Variants in ENPP4 observed in about 807,000 individuals in gnomAD.
ENPP4 encodes ectonucleotide pyrophosphatase/phosphodiesterase 4.
In ENPP4, 18 loss-of-function variants were observed where a neutral mutation model predicts 33.4. The observed-to-expected ratio is 0.54, with a 90% CI of 0.37 to 0.80. The LOEUF is 0.80. ENPP4 is among the 30% of genes least tolerant of loss of function. ENPP4 has a pLI of 0.00. For synonymous variants in ENPP4, 172 were observed against 189.9 expected (o/e 0.91, Z 0.78); for missense variants, 480 against 541.7 (o/e 0.89, Z 1.13).
At chr6:46,130,569 C>A (rs1763879665) in intron 1 of ENPP4, among the ~76,000 whole-genome samples, 1 of 152,162 alleles carries the variant, frequency 6.6e-6, no homozygotes, top group Non-Finnish European at 1.5e-5. Flanking sequence ...GAGAACCACC[C>A]ATGGCATCGA....
Position 46,143,301 on chromosome 6 carries a change from T to C in ENPP4, c.1023T>C (p.Ser341=). Residue 341 remains serine, a synonymous_variant, in exon 4 of 4, where the codon TCT becomes TCC. Coordinates refer to ENST00000321037, the MANE Select transcript of ENPP4 (RefSeq NM_014936.5). ...QKLGDHGYDN[S]LPSMHPFLAA... ...TAGGTGACCATGGTTATGATAATTC[T>C]TTGCCTAGTATGCATCCATTTCTAG... The C allele has an allele frequency of 1.9e-6, 3 of 1,590,860 alleles. No individual in the cohort carries two copies. The South Asian group carries it at 3.4e-5, about 18-fold the overall frequency.
intron 1 of ENPP4, among the ~76,000 whole-genome samples, chr6:46,134,895 A>G (rs564789755): frequency 1.5e-4 from 23 of 151,850 alleles, no homozygotes; most frequent in Non-Finnish European, 2.7e-4. Context: ...AGTTACTTTT[A>G]GTCTCTATAG....
Position 46,140,292 on chromosome 6 carries a change from G to A in ENPP4, c.709G>A (p.Asp237Asn). 1 of 1,612,350 alleles carries A rather than the reference G, an allele frequency of 6.2e-7. No individual in the cohort carries two copies. The highest frequency in any genetic ancestry group is 1.1e-5 in the South Asian group (1 of 91,034). The change falls in exon 2 of 4, where the codon GAT (aspartate) becomes AAT (asparagine). Residue 237 changes from aspartate to asparagine, a missense_variant. By Grantham distance (23) the Asp-to-Asn change is conservative. Coordinates refer to ENST00000321037, the MANE Select transcript of ENPP4 (RefSeq NM_014936.5). ...AAATCTTAATGTGATCATTACAAGTGATCATGGGATGACCCAGTGTTCTCA... is the reference window on the plus strand; with the variant it reads ...AAATCTTAATGTGATCATTACAAGTAATCATGGGATGACCCAGTGTTCTCA... ...WENLNVIITS[D>N]HGMTQCSQDR... is the part of the protein sequence containing the mutation.
intron 1 of ENPP4, among the ~76,000 whole-genome samples, chr6:46,137,291 T>A (rs1488857740): frequency 6.6e-6 from 1 of 151,872 alleles, no homozygotes; most frequent in African/African-American, 2.4e-5. Flanking sequence ...ATGTTTTCCC[T>A]GTGAGAAGAT....
chr6:46,143,695 A>G lies in ENPP4; in HGVS notation c.*55A>G. ...TGATTAATCACAAAACTAAGAATAC[A>G]TCCAAAGAATAGTGTTGTAACTATG... On this transcript the variant is annotated 3_prime_UTR_variant, in exon 4 of 4. Transcript: ENST00000321037. The G allele has an allele frequency of 1.4e-6, 2 of 1,474,576 alleles. No homozygotes were observed. The highest frequency in any genetic ancestry group is 2.3e-5 in the East Asian group (1 of 43,904). 91.3% of individuals were successfully genotyped at this position (1,474,576 alleles called of 1,614,324 possible).
chr6:46,142,041 G>T (rs1447296372), intron 3 of ENPP4, among the ~76,000 whole-genome samples: 1 of 151,436 alleles, frequency 6.6e-6, no homozygotes. Context: ...GCTAACCTTC[G>T]CTATGGGCTG....
rs547249031 is a variant in ENPP4 at position 46,129,998 on chromosome 6, G to C, written c.-225G>C. 6 of 152,408 alleles carry C rather than the reference G, an allele frequency of 3.9e-5. No individual in the cohort carries two copies. The East Asian group carries it at 9.7e-4, about 25-fold the overall frequency. The allele number at this position is 152,408 out of a possible 1,614,324, so 9.4% of individuals were successfully genotyped here. ...CCTGGCAGCTGCGCACACTCGGAGC[G>C]CCCCGAGCGGCGCAGATAGGGACGT... is the stretch of plus-strand genomic sequence containing the variant. On this transcript the variant is annotated 5_prime_UTR_variant, in exon 1 of 4. Transcript: ENST00000321037.
chr6:46,143,287 G>T lies in ENPP4; in HGVS notation c.1009G>T (p.Gly337Cys). 1.3e-6 allele frequency: 2 copies of T among 1,579,996 alleles called. No homozygotes were observed. The highest frequency in any genetic ancestry group is 8.6e-7 in the Non-Finnish European group (1 of 1,158,816). The change falls in exon 4 of 4, where the codon GGT (glycine) becomes TGT (cysteine). Residue 337 changes from glycine (G) to cysteine (C), a missense_variant. Gly to Cys is a radical substitution (Grantham distance 159). Around this residue, in one of 3 missense-constraint regions of ENPP4, gnomAD observed 249 missense variants for 251.8 expected, o/e 0.99. Coordinates refer to ENST00000321037, the MANE Select transcript of ENPP4 (RefSeq NM_014936.5). ...NESSQKLGDH[G>C]YDNSLPSMHP... is the part of the protein sequence containing the mutation. ...TTGTTCTTTTTCAGTAGGTGACCAT[G>T]GTTATGATAATTCTTTGCCTAGTAT...
chr6:46,133,077 A>G (rs1763925817), intron 1 of ENPP4, among the ~76,000 whole-genome samples: 1 of 152,194 alleles, frequency 6.6e-6, no homozygotes, highest in Admixed American at 6.5e-5. Flanking sequence ...TTCTAGATAT[A>G]CAATCATGTC....
chr6:46,133,036 TAAG>T (rs1763924840), intron 1 of ENPP4, among the ~76,000 whole-genome samples: 1 of 152,174 alleles, frequency 6.6e-6, no homozygotes, highest in South Asian at 2.1e-4. Flanking sequence ...CTTATCAGCT[TAAG>T]GAGATTCTGG....
At chr6:46,130,439 C>G (rs1302589392) in intron 1 of ENPP4, among the ~76,000 whole-genome samples, 1 of 152,232 alleles carries the variant, frequency 6.6e-6, no homozygotes, top group East Asian at 1.9e-4. Flanking sequence ...GGGAAGGCAA[C>G]CTGTGGTGTT....
chr6:46,132,828 C>A (rs529674845), intron 1 of ENPP4, among the ~76,000 whole-genome samples: 54 of 151,756 alleles, frequency 3.6e-4, no homozygotes, highest in African/African-American at 1.2e-3. Context: ...CTTTTATTTC[C>A]TTGAGCAGTG....
chr6:46,140,987 G>A, intron 2 of ENPP4, 65 bp from the exon 3 acceptor site: 3 of 994,586 alleles, frequency 3.0e-6, no homozygotes, highest in South Asian at 3.2e-5. Context: ...AATTATTCTA[G>A]TTAGACATAT....
Position 46,143,418 on chromosome 6 carries a change from A to T in ENPP4, c.1140A>T (p.Leu380Phe). The change falls in exon 4 of 4, where the codon TTA becomes TTT. Residue 380 changes from leucine to phenylalanine, a missense_variant. Coordinates refer to ENST00000321037, the MANE Select transcript of ENPP4 (RefSeq NM_014936.5). ...CAATGATGTGCCACATCCTGGGATT[A>T]AAACCACATCCCAATAATGGGACCT... ...IYPMMCHILG[L>F]KPHPNNGTFG... The T allele has an allele frequency of 6.2e-7, 1 of 1,612,800 alleles. No homozygotes were observed. Among genetic ancestry groups the T allele is most frequent in the Non-Finnish European group, 8.5e-7 (1 of 1,179,090 alleles).
chr6:46,132,061 T>G lies in ENPP4; in HGVS notation c.-34+1872T>G, dbSNP rs1172753940. ...TGTAGATTCTGGATATTAGCCCTTTTTCAGATGAGTAGATTGTGAAAATTT... is the reference window on the plus strand; with the variant it reads ...TGTAGATTCTGGATATTAGCCCTTTGTCAGATGAGTAGATTGTGAAAATTT... On this transcript the variant is annotated intron_variant, in intron 1 of 3. Transcript: ENST00000321037. Among the ~76,000 whole-genome samples, 33 of 152,240 alleles carry G rather than the reference T, an allele frequency of 2.2e-4. No homozygotes were observed. In the East Asian group the frequency reaches 3.3e-3, roughly 15 times the overall value.
rs556106191 is a variant in ENPP4 at position 46,143,235 on chromosome 6, A to C, written c.998-41A>C. ...AGAAGCAAGTTATTTTGTCCTAAAAAGTCTGATCTTATTGACTGATGTTGT... is the reference window on the plus strand; with the variant it reads ...AGAAGCAAGTTATTTTGTCCTAAAACGTCTGATCTTATTGACTGATGTTGT... On this transcript the variant is annotated intron_variant, in intron 3 of 3. Coordinates refer to ENST00000321037, the MANE Select transcript of ENPP4 (RefSeq NM_014936.5). The C allele has an allele frequency of 1.6e-4, 241 of 1,516,612 alleles. 4 individuals carry two copies. In the South Asian group the frequency reaches 2.9e-3, roughly 18 times the overall value. 93.9% of individuals were successfully genotyped at this position (1,516,612 alleles called of 1,614,324 possible).
Position 46,143,309 on chromosome 6 carries a change from G to C in ENPP4, c.1031G>C (p.Ser344Thr), listed in dbSNP as rs1195557310. Reference sequence around the variant, plus strand: ...CATGGTTATGATAATTCTTTGCCTAGTATGCATCCATTTCTAGCTGCCCAC... The same window carrying C: ...CATGGTTATGATAATTCTTTGCCTACTATGCATCCATTTCTAGCTGCCCAC... ...GDHGYDNSLPSMHPFLAAHGP... is the reference protein window; with the variant it reads ...GDHGYDNSLPTMHPFLAAHGP... Residue 344 changes from serine (S) to threonine (T), a missense_variant, in exon 4 of 4, where the codon AGT (serine) becomes ACT (threonine). Coordinates refer to ENST00000321037, the MANE Select transcript of ENPP4 (RefSeq NM_014936.5). 14 of 1,603,526 alleles carry C rather than the reference G, an allele frequency of 8.7e-6. No homozygotes were observed. Among genetic ancestry groups the C allele is most frequent in the Non-Finnish European group, 1.1e-5 (13 of 1,172,526 alleles).
In ENPP4 at chr6:46,146,656, C is replaced by CACAGTACTTTTCTTACTACAGTAAGA. The variant is rs1337906919; in HGVS notation, c.*3017_*3018insCAGTACTTTTCTTACTACAGTAAGAA. The stretch of plus-strand genomic sequence containing the variant: ...TAAAATGTGTGTGAATAAAATCTAC[C>CACAGTACTTTTCTTACTACAGTAAGA]AAAAAATTCTTACTGTAATTATTAA... On this transcript the variant is annotated 3_prime_UTR_variant, in exon 4 of 4. Coordinates refer to ENST00000321037, the MANE Select transcript of ENPP4 (RefSeq NM_014936.5). The CACAGTACTTTTCTTACTACAGTAAGA allele has an allele frequency of 6.6e-6, 1 of 151,630 alleles. No individual in the cohort carries two copies. Among genetic ancestry groups the CACAGTACTTTTCTTACTACAGTAAGA allele is most frequent in the African/African-American group, 2.4e-5 (1 of 41,310 alleles). 9.4% of individuals were successfully genotyped at this position (151,630 alleles called of 1,614,324 possible). A position where few individuals can be genotyped will look rare whatever the true frequency, so the allele number is the denominator to read the frequency against.
intron 1 of ENPP4, among the ~76,000 whole-genome samples, chr6:46,136,383 T>C (rs12196107): frequency 0.45 from 67,980 of 151,788 alleles, 16,497 homozygotes; most frequent in South Asian, 0.68. Flanking sequence ...GTCTGCTGAG[T>C]TAACCTTCAT....
Sources: allele counts gnomAD v4.1 joint callset (sites outside exome capture counted in the v4.1 genomes callset), GRCh38; gene constraint gnomAD v4.1.1; regional missense constraint gnomAD v4.1.1; transcripts MANE v1.5; gene names NCBI Gene and HGNC (gene_info 2026-07-23, HGNC 2026-07-21).